BRWD1: variants seen among roughly 807,000 people sequenced by gnomAD.
BRWD1 encodes bromodomain and WD repeat domain containing 1.
In BRWD1, 82 loss-of-function variants were observed where a neutral mutation model predicts 251.2. The observed-to-expected ratio is 0.33, with a 90% CI of 0.27 to 0.39. The LOEUF (loss-of-function observed/expected upper bound fraction) is 0.39, where lower values mean the gene tolerates loss of function less well. Among genes scored for constraint, BRWD1 ranks in the 10% least tolerant of loss-of-function variants. The probability of loss-of-function intolerance (pLI) is 1.00; values close to 1 mark genes in which losing one functional copy is unlikely to be tolerated. For synonymous variants in BRWD1, 918 were observed against 902.8 expected (o/e 1.02, Z -0.30); for missense variants, 2,233 against 2,711.6 (o/e 0.82, Z 3.92).
At chr21:39,206,009 G>A in intron 37 of BRWD1, 99 bp downstream of exon 37, 2 of 1,178,058 alleles carry the variant, frequency 1.7e-6, no homozygotes, top group Non-Finnish European at 2.4e-6. Flanking sequence ...GAACCCGGGA[G>A]GCAGAGATCA....
At chr21:39,294,164 T>C in intron 7 of BRWD1, 132 bp from the exon 8 acceptor site, 3 of 723,302 alleles carry the variant, frequency 4.1e-6, no homozygotes, top group Non-Finnish European at 6.7e-6. Context: ...ATTTATGTAA[T>C]AAATTATGAC....
intron 12 of BRWD1, 100 bp from the exon 13 acceptor site, chr21:39,274,572 T>C: frequency 1.1e-6 from 1 of 938,646 alleles, no homozygotes; most frequent in Non-Finnish European, 1.7e-6. Flanking sequence ...GAAGCTGTCC[T>C]AACAACAGGA....
chr21:39,313,294 A>T lies in BRWD1; in HGVS notation c.55T>A (p.Tyr19Asn). Residue 19 changes from tyrosine (Y) to asparagine (N), a missense_variant, in exon 2 of 41, where the codon TAC becomes AAC. By Grantham distance (143) the Tyr-to-Asn change is moderately radical. Around this residue, in one of 12 missense-constraint regions of BRWD1, gnomAD observed 101 missense variants for 95.6 expected, o/e 1.06. Coordinates refer to ENST00000342449, the MANE Select transcript of BRWD1 (RefSeq NM_033656.4). ...RPVPLIESEL[Y>N]FLIARYLSAG... The stretch of plus-strand genomic sequence containing the variant: ...GATAGGTACCGGGCGATAAGGAAGT[A>T]CAGCTCTGCGGGAAGACAAGGAGTC... 6.4e-7 allele frequency: 1 copy of T among 1,555,230 alleles called. No homozygotes were observed. The highest frequency in any genetic ancestry group is 8.7e-7 in the Non-Finnish European group (1 of 1,144,238).
chr21:39,252,307 A>G (rs573849840), intron 19 of BRWD1, among the ~76,000 whole-genome samples: 1 of 152,238 alleles, frequency 6.6e-6, no homozygotes, highest in East Asian at 1.9e-4. Context: ...GGATCAAGAC[A>G]AACTACGTGC....
At chr21:39,313,414 G>A (rs1219046933) in intron 1 of BRWD1, 29 bp downstream of exon 1, 2 of 1,446,734 alleles carry the variant, frequency 1.4e-6, no homozygotes, top group Non-Finnish European at 1.8e-6. Context: ...GGAGCGCCAG[G>A]GCGGGGGTGG....
chr21:39,314,074 G>A (rs2036631778), upstream of BRWD1: 1 of 455,876 alleles, frequency 2.2e-6, no homozygotes. Context: ...CGGGTCGCTC[G>A]GAAGGGTCAT....
chr21:39,269,982 T>C lies in BRWD1; in HGVS notation c.1447A>G (p.Ile483Val), dbSNP rs540249994. ...CCATCATGTCCTGCAGATAACATAA[T>C]TCTGGAATCAAAGGGATGTGTCTCC... ...VLETHPFDSR[I>V]MLSAGHDGSI... Residue 483 changes from isoleucine (I) to valine (V), a missense_variant, in exon 15 of 41, where the codon ATT becomes GTT. Coordinates refer to ENST00000342449, the MANE Select transcript of BRWD1 (RefSeq NM_033656.4). The C allele has an allele frequency of 1.3e-5, 20 of 1,595,876 alleles. No homozygotes were observed. The highest frequency in any genetic ancestry group is 1.2e-4 in the Admixed American group (7 of 57,636).
At chr21:39,262,013 G>T (rs142621802) in intron 17 of BRWD1, among the ~76,000 whole-genome samples, 9 of 152,132 alleles carry the variant, frequency 5.9e-5, no homozygotes, top group African/African-American at 2.2e-4. Context: ...AAAACAAGTT[G>T]AATTGGCTAT....
At chr21:39,270,842 A>G (rs1198543793) in intron 13 of BRWD1, among the ~76,000 whole-genome samples, 1 of 152,238 alleles carries the variant, frequency 6.6e-6, no homozygotes, top group Admixed American at 6.5e-5. Flanking sequence ...CATATCCCCA[A>G]TGTTTAGAAA....
intron 25 of BRWD1, among the ~76,000 whole-genome samples, chr21:39,230,046 A>G (rs1038122358): frequency 6.6e-6 from 1 of 152,190 alleles, no homozygotes; most frequent in African/African-American, 2.4e-5. Context: ...GTCAATGCAC[A>G]TTTTTATTTA....
At chr21:39,215,137 T>G in intron 32 of BRWD1, 100 bp downstream of exon 32, 1 of 1,246,374 alleles carries the variant, frequency 8.0e-7, no homozygotes, top group Non-Finnish European at 1.1e-6. Flanking sequence ...CCCAAAGTGC[T>G]GGGATTAACA....
At chr21:39,230,974 C>G (rs1472331023) in intron 25 of BRWD1, among the ~76,000 whole-genome samples, 2 of 152,052 alleles carry the variant, frequency 1.3e-5, no homozygotes, top group Non-Finnish European at 1.5e-5. Context: ...TTCACAAATA[C>G]AGAATCCAAG....
At chr21:39,257,544 AT>A (rs903372269) in intron 18 of BRWD1, among the ~76,000 whole-genome samples, 14 of 149,054 alleles carry the variant, frequency 9.4e-5, no homozygotes, top group South Asian at 2.1e-4. Flanking sequence ...TAAATCCTAA[AT>A]TTTTTTTTTT....
chr21:39,230,567 C>G (rs1267465305), intron 25 of BRWD1, among the ~76,000 whole-genome samples: 1 of 152,096 alleles, frequency 6.6e-6, no homozygotes, highest in Non-Finnish European at 1.5e-5. Context: ...TTTAAAGGTA[C>G]CTTATTTAAT....
At chr21:39,301,331 T>C (rs2036105519) in intron 4 of BRWD1, among the ~76,000 whole-genome samples, 1 of 152,210 alleles carries the variant, frequency 6.6e-6, no homozygotes, top group Non-Finnish European at 1.5e-5. Flanking sequence ...ATACTACTTC[T>C]ATGATTAGGT....
At chr21:39,223,829 G>A (rs1222666355) in intron 29 of BRWD1, among the ~76,000 whole-genome samples, 1 of 152,118 alleles carries the variant, frequency 6.6e-6, no homozygotes, top group Non-Finnish European at 1.5e-5. Flanking sequence ...GAAAAGTAGA[G>A]GCTACATGAA....
At chr21:39,306,041 C>G (rs1435074905) in intron 4 of BRWD1, among the ~76,000 whole-genome samples, 1 of 150,746 alleles carries the variant, frequency 6.6e-6, no homozygotes, top group Non-Finnish European at 1.5e-5. Context: ...ACTCAAAAAA[C>G]AAAGAATTGA....
intron 37 of BRWD1, among the ~76,000 whole-genome samples, chr21:39,204,780 G>A (rs953888315): frequency 6.6e-6 from 1 of 152,106 alleles, no homozygotes; most frequent in African/African-American, 2.4e-5. Flanking sequence ...TCCTCATAAG[G>A]AGCACACAAC....
chr21:39,236,264 C>G (rs947561438), intron 23 of BRWD1, among the ~76,000 whole-genome samples: 1 of 152,172 alleles, frequency 6.6e-6, no homozygotes, highest in Non-Finnish European at 1.5e-5. Flanking sequence ...TATCTGCCCC[C>G]ACCCATCCCT....
Sources: allele counts gnomAD v4.1 joint callset (sites outside exome capture counted in the v4.1 genomes callset), GRCh38; gene constraint gnomAD v4.1.1; regional missense constraint gnomAD v4.1.1; transcripts MANE v1.5; gene names NCBI Gene and HGNC (gene_info 2026-07-23, HGNC 2026-07-21).